The following PRP4K variants were observed in gnomAD, a reference collection of about 807,000 sequenced individuals.
PRP4K encodes serine/threonine-protein kinase PRP4 homolog.
At chr6:4,059,375 C>T in the PRP4K span, among the ~76,000 whole-genome samples, 1 of 152,262 alleles carries the variant, frequency 6.6e-6, no homozygotes, top group African/African-American at 2.4e-5. Flanking sequence ...CCCCCAACCC[C>T]CTAAAAAATG....
At chr6:4,051,441 C>G in the PRP4K span, among the ~76,000 whole-genome samples, 4 of 151,828 alleles carry the variant, frequency 2.6e-5, no homozygotes, top group Admixed American at 6.6e-5. Flanking sequence ...CTCAGCCTCC[C>G]GAGTAGCTGG....
At chr6:4,058,448 C>T in the PRP4K span, among the ~76,000 whole-genome samples, 1 of 152,190 alleles carries the variant, frequency 6.6e-6, no homozygotes, top group East Asian at 1.9e-4. Context: ...TCTTTGTTGA[C>T]TCTCCAATTT....
the PRP4K span, among the ~76,000 whole-genome samples, chr6:4,022,975 C>G: frequency 7.9e-5 from 12 of 152,306 alleles, no homozygotes; most frequent in African/African-American, 2.9e-4. Context: ...TAATATTAGA[C>G]TTAATAATTT....
the PRP4K span, among the ~76,000 whole-genome samples, chr6:4,029,938 C>CTT: frequency 1.3e-4 from 18 of 133,780 alleles, no homozygotes; most frequent in South Asian, 4.8e-4. Context: ...TGTTTTCTTT[C>CTT]TTTTTTTTTT....
At chr6:4,064,540 C>T in the PRP4K span, 1 of 152,252 alleles carries the variant, frequency 6.6e-6, no homozygotes, top group African/African-American at 2.4e-5. Context: ...TGTAATTTTC[C>T]TCATTTAGTT....
the PRP4K span, chr6:4,031,742 TAAG>T: frequency 1.2e-6 from 2 of 1,602,186 alleles, no homozygotes; most frequent in South Asian, 1.1e-5. Context: ...AGCATAAACA[TAAG>T]AAACACAAAA....
At chr6:4,047,043 T>G in the PRP4K span, 1 of 707,842 alleles carries the variant, frequency 1.4e-6, no homozygotes, top group Non-Finnish European at 2.5e-6. Context: ...GATTCTAAAT[T>G]GAATACTGTT....
the PRP4K span, chr6:4,062,403 A>G: frequency 6.6e-6 from 1 of 152,644 alleles, no homozygotes; most frequent in Non-Finnish European, 1.5e-5. The surrounding 1 kb of genome is among the most constrained non-coding windows in gnomAD (Gnocchi z 4.2). Flanking sequence ...TATTATTAAC[A>G]TGGTAGAAGA....
the PRP4K span, chr6:4,021,368 C>T: frequency 1.2e-5 from 18 of 1,552,502 alleles, no homozygotes; most frequent in Admixed American, 3.9e-5. Context: ...TCCACTTCCC[C>T]TACCCTCCAC....
the PRP4K span, among the ~76,000 whole-genome samples, chr6:4,048,397 A>G: frequency 1.7e-4 from 25 of 143,360 alleles, no homozygotes; most frequent in Non-Finnish European, 3.3e-4. Context: ...AAAAAAAAAA[A>G]GAATAATCAG....
At chr6:4,025,004 A>C in the PRP4K span, among the ~76,000 whole-genome samples, 5 of 152,214 alleles carry the variant, frequency 3.3e-5, no homozygotes, top group East Asian at 9.6e-4. Flanking sequence ...AAAACAAATA[A>C]ATACTGTTAA....
At chr6:4,049,217 G>T in the PRP4K span, 3 of 1,005,734 alleles carry the variant, frequency 3.0e-6, no homozygotes, top group African/African-American at 5.0e-5. Flanking sequence ...ACATCACAGT[G>T]CCATCTTTAA....
At chr6:4,022,499 G>A in the PRP4K span, among the ~76,000 whole-genome samples, 1 of 146,904 alleles carries the variant, frequency 6.8e-6, no homozygotes, top group African/African-American at 2.5e-5. Flanking sequence ...CATCTGCACT[G>A]TCTGATCTGT....
At chr6:4,064,486 CT>C in the PRP4K span, 1 of 152,380 alleles carries the variant, frequency 6.6e-6, no homozygotes. Context: ...AGAAATGGCC[CT>C]TTTGAATGTT....
the PRP4K span, chr6:4,056,984 A>G: frequency 6.9e-7 from 1 of 1,455,530 alleles, no homozygotes; most frequent in East Asian, 2.3e-5. Flanking sequence ...AAAAATTAAT[A>G]GTCGTCAGTT....
At chr6:4,035,506 AAG>A in the PRP4K span, among the ~76,000 whole-genome samples, 2 of 152,076 alleles carry the variant, frequency 1.3e-5, no homozygotes, top group Admixed American at 1.3e-4. Context: ...GATTAAATAA[AAG>A]AGTTTCCTCA....
chr6:4,035,917 G>A, the PRP4K span, among the ~76,000 whole-genome samples: 1 of 151,892 alleles, frequency 6.6e-6, no homozygotes. Context: ...GTGAGCCGAG[G>A]TCACACCATT....
At chr6:4,063,814 T>C in the PRP4K span, 1 of 152,220 alleles carries the variant, frequency 6.6e-6, no homozygotes. Flanking sequence ...TGAATAAATG[T>C]GCATTCCTCT....
At chr6:4,026,902 C>A in the PRP4K span, among the ~76,000 whole-genome samples, 1 of 152,074 alleles carries the variant, frequency 6.6e-6, no homozygotes, top group African/African-American at 2.4e-5. Context: ...ACAAGGTAGG[C>A]CAAGGTAGCC....
Sources: allele counts gnomAD v4.1 joint callset (sites outside exome capture counted in the v4.1 genomes callset), GRCh38; gene constraint gnomAD v4.1.1; non-coding constraint Gnocchi (gnomAD v3.1); transcripts MANE v1.5; gene names NCBI Gene and HGNC (gene_info 2026-07-23, HGNC 2026-07-21).